MYO15A: variants seen among roughly 807,000 people sequenced by gnomAD.
MYO15A encodes the protein unconventional myosin-XV.
In MYO15A, 308 loss-of-function variants were observed where a neutral mutation model predicts 394.6. The observed-to-expected ratio is 0.78, with a 90% CI of 0.71 to 0.86. The LOEUF is 0.86. Among genes scored for constraint, MYO15A ranks in the 40% least tolerant of loss-of-function variants. MYO15A has a pLI of 0.00. For synonymous variants in MYO15A, 1,957 were observed against 2,003.8 expected (o/e 0.98, Z 0.62); for missense variants, 4,606 against 4,799.1 (o/e 0.96, Z 1.19).
chr17:18,115,338 G>A (rs528777947), intron 1 of MYO15A, among the ~76,000 whole-genome samples: 2 of 152,262 alleles, frequency 1.3e-5, no homozygotes, highest in Non-Finnish European at 2.9e-5. Context: ...TGAGGTCGAG[G>A]CTAGGCTTGG....
At chr17:18,122,726 C>A (rs912446822) in intron 2 of MYO15A, 44 of 335,400 alleles carry the variant, frequency 1.3e-4, no homozygotes, top group African/African-American at 8.8e-4. Flanking sequence ...GATGACAGGT[C>A]TGGCCCCTAA....
In MYO15A at chr17:18,122,409, G is replaced by C; in HGVS notation, c.3609G>C (p.Lys1203Asn). The C allele has an allele frequency of 6.2e-7, 1 of 1,611,744 alleles. No individual in the cohort carries two copies. The highest frequency in any genetic ancestry group is 8.5e-7 in the Non-Finnish European group (1 of 1,179,560). Reference protein sequence around the residue: ...EEVGPPSWRNKMHSIRNLPSM... With the variant: ...EEVGPPSWRNNMHSIRNLPSM... ...TCGGCCCGCCAAGCTGGCGGAACAA[G>C]GTATGGAGGCACAGATTACACGGAG... The change falls in exon 2 of 66, where the codon AAG becomes AAC. Residue 1203 changes from lysine (K) to asparagine (N), a missense_variant and splice_region_variant. By Grantham distance (94) the Lys-to-Asn change is moderately conservative. Coordinates refer to ENST00000647165, the MANE Select transcript of MYO15A (RefSeq NM_016239.4).
At chr17:18,175,304 T>C (rs2142441385) in intron 65 of MYO15A, among the ~76,000 whole-genome samples, 1 of 143,820 alleles carries the variant, frequency 7.0e-6, no homozygotes, top group East Asian at 1.9e-4. Flanking sequence ...TTTTTTTTTT[T>C]TTTTGAGGCA....
rs760942239 is a variant in MYO15A, at chr17:18,173,791, T to G, written c.10361T>G (p.Val3454Gly). 2 of 1,613,844 alleles carry G rather than the reference T, an allele frequency of 1.2e-6. No homozygotes were observed. Among genetic ancestry groups the G allele is most frequent in the African/African-American group, 2.7e-5 (2 of 74,930 alleles). The change falls in exon 65 of 66, where the codon GTG (valine) becomes GGG (glycine). Residue 3454 changes from valine to glycine, a missense_variant. By Grantham distance (109) the Val-to-Gly change is moderately radical (BLOSUM62 -3). This residue lies in a region of MYO15A where 2,776 missense variants were observed against 3,109.3 expected (regional missense o/e 0.89). Coordinates refer to ENST00000647165, the MANE Select transcript of MYO15A (RefSeq NM_016239.4). ...FLSTETHELM[V>G]KFPLKEIQST... is the part of the protein sequence containing the mutation. The stretch of plus-strand genomic sequence containing the variant: ...TCCTCCTACTCCCAGGAATTGATGG[T>G]GAAGTTCCCCCTGAAGGAGATCCAG...
chr17:18,149,182 G>T (rs769683767), intron 33 of MYO15A, 34 bp from the exon 34 acceptor site: 1 of 1,613,002 alleles, frequency 6.2e-7, no homozygotes, highest in Admixed American at 1.7e-5. Flanking sequence ...GATCTCTCTG[G>T]GGGTCAGTAG....
chr17:18,115,485 G>A (rs184351658), intron 1 of MYO15A, among the ~76,000 whole-genome samples: 1 of 152,244 alleles, frequency 6.6e-6, no homozygotes, highest in African/African-American at 2.4e-5. Context: ...GGGCGTGGCG[G>A]TGTGTGTCTG....
At position 18,151,981 on chromosome 17, in the gene MYO15A, G is replaced by A. The variant is rs1485955636; in HGVS notation, c.7893+30G>A. The A allele has an allele frequency of 2.6e-6, 4 of 1,549,544 alleles. No homozygotes were observed. In the Middle Eastern group the frequency reaches 5.3e-4, roughly 206 times the overall value. ...GGGGGGAAGGTGGGGCTGAGCCCAG[G>A]TGGAACAGAAGACAAAGAGGGGCCT... On this transcript the variant is annotated intron_variant, in intron 41 of 65. Coordinates refer to ENST00000647165, the MANE Select transcript of MYO15A (RefSeq NM_016239.4).
chr17:18,139,289 T>G, intron 18 of MYO15A: 1 of 619,142 alleles, frequency 1.6e-6, no homozygotes, highest in Non-Finnish European at 3.0e-6. Flanking sequence ...CATGCCTCTG[T>G]CCCCATCCGG....
At position 18,166,449 on chromosome 17, in the gene MYO15A, G is replaced by T. The variant is rs779093807; in HGVS notation, c.9876G>T (p.Trp3292Cys). 5 of 1,613,946 alleles carry T rather than the reference G, an allele frequency of 3.1e-6. No homozygotes were observed. The highest frequency in any genetic ancestry group is 4.2e-6 in the Non-Finnish European group (5 of 1,180,030). ...MEQVDGGYML[W>C]FRRVLWDQPL... ...AGGTGGACGGCGGCTACATGCTCTG[G>T]TTCCGGCGTGTGCTCTGGGATCAGC... Residue 3292 changes from tryptophan to cysteine, a missense_variant, in exon 61 of 66, where the codon TGG (tryptophan) becomes TGT (cysteine). Transcript: ENST00000647165.
At chr17:18,171,057 G>A (rs2046933413) in intron 62 of MYO15A, among the ~76,000 whole-genome samples, 1 of 152,210 alleles carries the variant, frequency 6.6e-6, no homozygotes, top group South Asian at 2.1e-4. Flanking sequence ...AGCTGGTCAG[G>A]ATGGGCTGGT....
In MYO15A at chr17:18,155,122, T is replaced by C. The variant is rs554361393; in HGVS notation, c.8237T>C (p.Leu2746Pro). Residue 2746 changes from leucine to proline, a missense_variant, in exon 46 of 66, where the codon CTG becomes CCG. This residue lies in a region of MYO15A where 2,776 missense variants were observed against 3,109.3 expected (regional missense o/e 0.89). Transcript: ENST00000647165. ...TGGCCTCCCATAGCCCAGAACCAGC[T>C]GGACACACAGAAGCCTCTGGTAACG... ...RMKALFAQNQ[L>P]DTQKPLVTES... 3.7e-6 allele frequency: 6 copies of C among 1,613,644 alleles called. No individual in the cohort carries two copies. In the African/African-American group the frequency reaches 8.0e-5, roughly 22 times the overall value.
In MYO15A at chr17:18,121,945, G is replaced by A. The variant is rs760359322; in HGVS notation, c.3145G>A (p.Asp1049Asn). 2.5e-6 allele frequency: 4 copies of A among 1,613,314 alleles called. No homozygotes were observed. Among genetic ancestry groups the A allele is most frequent in the Non-Finnish European group, 3.4e-6 (4 of 1,179,964 alleles). ...CCCCAAGGATATCACTCCCCCCAAG[G>A]ATGTCCTCCCAGAGCAAAAGACATT... is the stretch of plus-strand genomic sequence containing the variant. Reference protein sequence around the residue: ...TPPKDITPPKDVLPEQKTLRP... With the variant: ...TPPKDITPPKNVLPEQKTLRP... Residue 1049 changes from aspartate (D) to asparagine (N), a missense_variant, in exon 2 of 66, where the codon GAT becomes AAT. Asp to Asn is a conservative substitution (Grantham distance 23). Transcript: ENST00000647165. The surrounding 1 kb of genome is among the most constrained non-coding windows in gnomAD (Gnocchi z 5.3).
In MYO15A at chr17:18,171,673, A is replaced by G; in HGVS notation, c.10118A>G (p.Tyr3373Cys). 6.2e-7 allele frequency: 1 copy of G among 1,613,764 alleles called. No individual in the cohort carries two copies. Among genetic ancestry groups the G allele is most frequent in the Non-Finnish European group, 8.5e-7 (1 of 1,180,012 alleles). The stretch of plus-strand genomic sequence containing the variant: ...CAGGAGTACATCCCAGCCCAGCTCT[A>G]CCGTACAACGGCAGGCTCGACCTGG... ...EVQEYIPAQL[Y>C]RTTAGSTWLN... Residue 3373 changes from tyrosine to cysteine, a missense_variant, in exon 63 of 66, where the codon TAC becomes TGC. Transcript: ENST00000647165.
intron 29 of MYO15A, among the ~76,000 whole-genome samples, chr17:18,144,800 CAAAAA>C (rs35437143): frequency 3.4e-5 from 4 of 117,104 alleles, no homozygotes; most frequent in African/African-American, 1.3e-4. Flanking sequence ...ATCTTCCTGG[CAAAAA>C]AAAAAAAAAA....
chr17:18,156,958 C>T lies in MYO15A; in HGVS notation c.8606C>T (p.Ser2869Phe). The T allele has an allele frequency of 6.2e-7, 1 of 1,614,170 alleles. No homozygotes were observed. The highest frequency in any genetic ancestry group is 2.2e-5 in the East Asian group (1 of 44,888). Residue 2869 changes from serine (S) to phenylalanine (F), a missense_variant, in exon 49 of 66, where the codon TCT (serine) becomes TTT (phenylalanine). Physicochemically the swap from Ser to Phe is radical, Grantham distance 155. This residue lies in a region of MYO15A where 2,776 missense variants were observed against 3,109.3 expected (regional missense o/e 0.89). Coordinates refer to ENST00000647165, the MANE Select transcript of MYO15A (RefSeq NM_016239.4). ...DDFILELKKD[S>F]DYVVAVRNFL... Reference sequence around the variant, plus strand: ...CCCTGCCTCTGGCTGACCCAGGACTCTGACTACGTGGTCGCTGTGAGGAAC... The same window carrying T: ...CCCTGCCTCTGGCTGACCCAGGACTTTGACTACGTGGTCGCTGTGAGGAAC...
chr17:18,175,146 T>C (rs1023438255), intron 65 of MYO15A, among the ~76,000 whole-genome samples: 9 of 150,660 alleles, frequency 6.0e-5, no homozygotes, highest in Non-Finnish European at 1.2e-4. Context: ...CTTAAACTCC[T>C]GGCCTCAAAT....
At position 18,148,425 on chromosome 17, in the gene MYO15A, A is replaced by G; in HGVS notation, c.6692-71A>G. 1.3e-6 allele frequency: 2 copies of G among 1,532,808 alleles called. No homozygotes were observed. The highest frequency in any genetic ancestry group is 1.8e-6 in the Non-Finnish European group (2 of 1,131,730). The allele number at this position is 1,532,808 out of a possible 1,614,324, so 95.0% of individuals were successfully genotyped here. A position where few individuals can be genotyped will look rare whatever the true frequency, so the allele number is the denominator to read the frequency against. On this transcript the variant is annotated intron_variant, in intron 31 of 65. Transcript: ENST00000647165. This position sits in a 1 kb window ranked among gnomAD's most constrained non-coding sequence, Gnocchi z 4.8. ...AGATACAGGAAGCCTGAAAGGAAGA[A>G]GCAAGCAGGGAGGCACAGCCAAACT...
chr17:18,161,426 A>G lies in MYO15A; in HGVS notation c.9496A>G (p.Thr3166Ala). Residue 3166 changes from threonine to alanine, a missense_variant, in exon 57 of 66, where the codon ACC becomes GCC. Thr to Ala is a moderately conservative substitution (Grantham distance 58). Coordinates refer to ENST00000647165, the MANE Select transcript of MYO15A (RefSeq NM_016239.4). Reference protein sequence around the residue: ...LTRFLQDVSRTPGLPFQGIAK... With the variant: ...LTRFLQDVSRAPGLPFQGIAK... ...TCGCTTCCTCCAAGACGTGAGCCGG[A>G]CCCCAGGCCTGCCCTTTCAGGGTGA... 7 of 1,613,910 alleles carry G rather than the reference A, an allele frequency of 4.3e-6. No homozygotes were observed. Among genetic ancestry groups the G allele is most frequent in the Non-Finnish European group, 5.9e-6 (7 of 1,180,020 alleles).
intron 2 of MYO15A, 176 bp from the exon 3 acceptor site, chr17:18,124,307 C>T (rs562481395): frequency 8.8e-6 from 6 of 685,224 alleles, no homozygotes; most frequent in East Asian, 5.5e-5. Flanking sequence ...GTGTGAGGGT[C>T]GCATGCAGGT....
Sources: allele counts gnomAD v4.1 joint callset (sites outside exome capture counted in the v4.1 genomes callset), GRCh38; gene constraint gnomAD v4.1.1; regional missense constraint gnomAD v4.1.1; non-coding constraint Gnocchi (gnomAD v3.1); transcripts MANE v1.5; gene names NCBI Gene and HGNC (gene_info 2026-07-23, HGNC 2026-07-21).